Variants in SCGB1A1 observed in about 807,000 individuals in gnomAD.
The protein encoded by SCGB1A1 is secretoglobin family 1A member 1, also known as uteroglobin.
SCGB1A1 carries 8 observed loss-of-function variants against 7.5 expected under a neutral mutation model. The observed-to-expected ratio is 1.07, with a 90% CI of 0.63 to 1.92. The LOEUF (loss-of-function observed/expected upper bound fraction) is 1.92, where lower values mean the gene tolerates loss of function less well. SCGB1A1 is among the 30% of genes most tolerant of loss of function. The pLI, the probability that SCGB1A1 is intolerant of heterozygous loss-of-function variation, is 0.00. For synonymous variants in SCGB1A1, 44 were observed against 40.8 expected (o/e 1.08, Z -0.30); for missense variants, 121 against 112.7 (o/e 1.07, Z -0.33).
chr11:62,421,669 G>A (rs1165605131), intron 1 of SCGB1A1, among the ~76,000 whole-genome samples: 1 of 151,920 alleles, frequency 6.6e-6, no homozygotes, highest in Non-Finnish European at 1.5e-5. Context: ...CCAGAACCAC[G>A]CCCGGCTAAT....
Position 62,421,489 on chromosome 11 carries a change from T to TG in SCGB1A1, c.56-732_56-731insG, listed in dbSNP as rs1319718797. Among the ~76,000 whole-genome samples the TG allele has an allele frequency of 6.4e-3, 910 of 141,194 alleles. 4 individuals carry two copies. The highest frequency in any genetic ancestry group is 0.053 in the Middle Eastern group (15 of 284). 92.6% of individuals were successfully genotyped at this position (141,194 alleles called of 152,430 possible). On this transcript the variant is annotated intron_variant, in intron 1 of 2. Coordinates refer to ENST00000278282, the MANE Select transcript of SCGB1A1 (RefSeq NM_003357.5). Reference sequence around the variant, plus strand: ...TTCTTTTCTTTTCTTCTTTTTCTTTTCTCTTGCTTGCTTGCTTGCTTGCTT... The same window carrying TG: ...TTCTTTTCTTTTCTTCTTTTTCTTTTGCTCTTGCTTGCTTGCTTGCTTGCTT...
Position 62,419,089 on chromosome 11 carries a change from C to T in SCGB1A1, c.-7C>T, listed in dbSNP as rs577588338. 9.5e-6 allele frequency: 15 copies of T among 1,585,928 alleles called. No homozygotes were observed. The East Asian group carries it at 3.2e-4, about 34-fold the overall frequency. ...AGAGACGGGCCAGAGCATCCCCCTC[C>T]TCCACCATGAAACTCGCTGTCACCC... On this transcript the variant is annotated 5_prime_UTR_variant, in exon 1 of 3. Transcript: ENST00000278282.
chr11:62,419,115 T>C lies in SCGB1A1; in HGVS notation c.20T>C (p.Leu7Pro). ...TCCACCATGAAACTCGCTGTCACCC[T>C]CACCCTGGTCACACTGGCTCTCTGC... The part of the protein sequence containing the change: MKLAVT[L>P]TLVTLALCCS... The change falls in exon 1 of 3, where the codon CTC (leucine) becomes CCC (proline). Residue 7 changes from leucine (L) to proline (P), a missense_variant. Leu to Pro is a moderately conservative substitution (Grantham distance 98). Transcript: ENST00000278282. 6.3e-7 allele frequency: 1 copy of C among 1,585,398 alleles called. No individual in the cohort carries two copies. Among genetic ancestry groups the C allele is most frequent in the East Asian group, 2.3e-5 (1 of 43,030 alleles).
At chr11:62,421,483 T>C (rs1565187869) in intron 1 of SCGB1A1, among the ~76,000 whole-genome samples, 1 of 141,772 alleles carries the variant, frequency 7.1e-6, no homozygotes, top group Non-Finnish European at 1.5e-5. Flanking sequence ...TTTCTTCTTT[T>C]TCTTTTCTCT....
intron 1 of SCGB1A1, among the ~76,000 whole-genome samples, chr11:62,421,672 C>T (rs190590432): frequency 2.6e-5 from 4 of 152,090 alleles, no homozygotes; most frequent in South Asian, 2.1e-4. Flanking sequence ...GAACCACGCC[C>T]GGCTAATTTT....
chr11:62,420,076 GTTTA>G (rs1937742630), intron 1 of SCGB1A1, among the ~76,000 whole-genome samples: 1 of 152,132 alleles, frequency 6.6e-6, no homozygotes, highest in Non-Finnish European at 1.5e-5. Flanking sequence ...TTGCAGAGAG[GTTTA>G]TTTGTTTTTC....
At position 62,419,053 on chromosome 11, in the gene SCGB1A1, G is replaced by A. The variant is rs1486968605; in HGVS notation, c.-43G>A. 3.2e-6 allele frequency: 5 copies of A among 1,548,556 alleles called. No individual in the cohort carries two copies. Among genetic ancestry groups the A allele is most frequent in the East Asian group, 2.4e-5 (1 of 42,288 alleles). ...GTCTCATACTAGCCCACCAGACTCA[G>A]AGACGGAACCAGAGACGGGCCAGAG... is the stretch of plus-strand genomic sequence containing the variant. On this transcript the variant is annotated 5_prime_UTR_variant, in exon 1 of 3. Transcript: ENST00000278282.
At chr11:62,421,232 G>A (rs368745818) in intron 1 of SCGB1A1, among the ~76,000 whole-genome samples, 4 of 152,130 alleles carry the variant, frequency 2.6e-5, no homozygotes, top group East Asian at 1.9e-4. Context: ...GGAAGATGGA[G>A]GCAAGCAGTG....
chr11:62,419,217 CAGA>C (rs1376804701), intron 1 of SCGB1A1, 67 bp downstream of exon 1: 16 of 1,255,972 alleles, frequency 1.3e-5, no homozygotes, highest in Non-Finnish European at 1.6e-5. Flanking sequence ...CAGTTCTGCT[CAGA>C]AGAAGGAGTG....
intron 1 of SCGB1A1, chr11:62,421,992 T>G: frequency 2.7e-6 from 1 of 373,620 alleles, no homozygotes; most frequent in Non-Finnish European, 4.8e-6. Context: ...TGATCAATAC[T>G]CTGCCTTGAT....
rs777670820 is a variant in SCGB1A1 at position 62,419,062 on chromosome 11, C to A, written c.-34C>A. 3.8e-6 allele frequency: 6 copies of A among 1,565,264 alleles called. No homozygotes were observed. Among genetic ancestry groups the A allele is most frequent in the Middle Eastern group, 1.7e-4 (1 of 5,890 alleles). On this transcript the variant is annotated 5_prime_UTR_variant, in exon 1 of 3. Coordinates refer to ENST00000278282, the MANE Select transcript of SCGB1A1 (RefSeq NM_003357.5). ...TAGCCCACCAGACTCAGAGACGGAA[C>A]CAGAGACGGGCCAGAGCATCCCCCT...
intron 2 of SCGB1A1, 56 bp from the exon 3 acceptor site, chr11:62,423,003 T>C (rs1937840353): frequency 6.6e-7 from 1 of 1,518,146 alleles, no homozygotes; most frequent in African/African-American, 1.4e-5. Flanking sequence ...TGCCTAACTA[T>C]GCAATTCATT....
In SCGB1A1 at chr11:62,419,039, G is replaced by A; in HGVS notation, c.-57G>A. 1 of 1,501,420 alleles carries A rather than the reference G, an allele frequency of 6.7e-7. No homozygotes were observed. Among genetic ancestry groups the A allele is most frequent in the Non-Finnish European group, 9.0e-7 (1 of 1,106,584 alleles). The allele number at this position is 1,501,420 out of a possible 1,614,324, so 93.0% of individuals were successfully genotyped here. ...ACCTTGCTGGGCATGTCTCATACTA[G>A]CCCACCAGACTCAGAGACGGAACCA... On this transcript the variant is annotated 5_prime_UTR_variant, in exon 1 of 3. Coordinates refer to ENST00000278282, the MANE Select transcript of SCGB1A1 (RefSeq NM_003357.5).
intron 2 of SCGB1A1, 70 bp downstream of exon 2, chr11:62,422,478 G>C: frequency 7.5e-7 from 1 of 1,326,608 alleles, no homozygotes; most frequent in Non-Finnish European, 1.0e-6. Flanking sequence ...GATTGCCCCA[G>C]TTTTCAGACC....
chr11:62,419,938 T>C (rs1315024247), intron 1 of SCGB1A1, among the ~76,000 whole-genome samples: 1 of 152,212 alleles, frequency 6.6e-6, no homozygotes, highest in African/African-American at 2.4e-5. Flanking sequence ...CTGAAAATGC[T>C]GTTGTTATTT....
intron 1 of SCGB1A1, chr11:62,421,851 G>GC (rs1270418050): frequency 6.4e-6 from 1 of 155,740 alleles, no homozygotes; most frequent in Admixed American, 6.5e-5. Flanking sequence ...TTTGTCACAT[G>GC]CCCCCAGTGA....
At chr11:62,420,755 TG>T (rs1219666287) in intron 1 of SCGB1A1, among the ~76,000 whole-genome samples, 1 of 150,716 alleles carries the variant, frequency 6.6e-6, no homozygotes, top group Non-Finnish European at 1.5e-5. Context: ...GCCAACATGG[TG>T]AAACCTTGTC....
Position 62,422,245 on chromosome 11 carries a change from TTCAGCGTG to T in SCGB1A1, c.84_91del (p.Gln28HisfsTer13). 1 of 1,613,086 alleles carries T rather than the reference TTCAGCGTG, an allele frequency of 6.2e-7. No individual in the cohort carries two copies. Among genetic ancestry groups the T allele is most frequent in the South Asian group, 1.1e-5 (1 of 90,910 alleles). The stretch of plus-strand genomic sequence containing the variant: ...GCTTCTGCAGAGATCTGCCCGAGCT[TTCAGCGTG>T]TCATCGAAACCCTCCTCATGGACAC... On this transcript the variant is annotated frameshift_variant, in exon 2 of 3. Coordinates refer to ENST00000278282, the MANE Select transcript of SCGB1A1 (RefSeq NM_003357.5). LOFTEE classifies it high-confidence loss of function.
At chr11:62,421,428 T>A (rs563806789) in intron 1 of SCGB1A1, among the ~76,000 whole-genome samples, 1 of 151,966 alleles carries the variant, frequency 6.6e-6, no homozygotes, top group South Asian at 2.1e-4. Flanking sequence ...CGGGGGCCCA[T>A]GTTTGGCTGG....
Sources: gnomAD v4.1 joint callset for allele counts (sites outside exome capture counted in the v4.1 genomes callset) on GRCh38, gnomAD v4.1.1 for gene constraint, MANE v1.5 for transcripts, NCBI Gene and HGNC (gene_info 2026-07-23, HGNC 2026-07-21) for gene names.